The following ZNF678 variants were observed in gnomAD, a reference collection of about 807,000 sequenced individuals.
ZNF678 encodes zinc finger protein 678.
In ZNF678, 5 loss-of-function variants were observed where a neutral mutation model predicts 3.0. That is an observed-to-expected ratio of 1.69 (90% confidence interval 0.88 to 3.56). The LOEUF is 3.56. Among genes scored for constraint, ZNF678 ranks in the 30% most tolerant of loss-of-function variants. The probability of loss-of-function intolerance (pLI) is 0.00; values close to 1 mark genes in which losing one functional copy is unlikely to be tolerated. For missense variants in ZNF678, 593 were observed against 605.0 expected (o/e 0.98, Z 0.21); for synonymous variants, 218 against 199.6 (o/e 1.09, Z -0.78).
intron 2 of ZNF678, among the ~76,000 whole-genome samples, chr1:227,647,077 AC>A (rs1658978418): frequency 6.6e-6 from 1 of 150,688 alleles, no homozygotes; most frequent in Non-Finnish European, 1.5e-5. Flanking sequence ...ACATGGTGAA[AC>A]CCCATTTCTA....
downstream of ZNF678, among the ~76,000 whole-genome samples, chr1:227,679,244 C>A (rs1353620509): frequency 3.3e-5 from 5 of 152,080 alleles, no homozygotes; most frequent in African/African-American, 1.2e-4. Flanking sequence ...TTATATGTCA[C>A]CATTTTAAGG....
intron 1 of ZNF678, among the ~76,000 whole-genome samples, chr1:227,610,540 A>T (rs1200760047): frequency 6.6e-6 from 1 of 152,162 alleles, no homozygotes; most frequent in East Asian, 1.9e-4. Flanking sequence ...ATGGACTTGG[A>T]GGAGAACAAG....
chr1:227,653,647 T>A (rs1659142237), intron 3 of ZNF678, among the ~76,000 whole-genome samples: 1 of 152,086 alleles, frequency 6.6e-6, no homozygotes, highest in South Asian at 2.1e-4. Context: ...AGGCTGGAGA[T>A]TCTTATAGCC....
intron 1 of ZNF678, among the ~76,000 whole-genome samples, chr1:227,622,534 A>G (rs542874308): frequency 2.6e-4 from 39 of 152,332 alleles, no homozygotes; most frequent in African/African-American, 9.1e-4. Flanking sequence ...CAAATATTTT[A>G]TAGAGTTTGA....
In ZNF678 at chr1:227,578,026, A is replaced by G. The variant is rs185935349; in HGVS notation, c.-164+14302A>G. ...ATTTGGCCGAATATGAAATTCTGGG[A>G]TGGAATTTCTTTTCCTTAAGAATGT... On this transcript the variant is annotated intron_variant, in intron 1 of 3. Coordinates refer to ENST00000343776, the MANE Select transcript of ZNF678 (RefSeq NM_001367909.1). Among the ~76,000 whole-genome samples, 201 of 152,184 alleles carry G rather than the reference A, an allele frequency of 1.3e-3. 1 individual carries two copies. The highest frequency in any genetic ancestry group is 4.6e-3 in the African/African-American group (193 of 41,536).
chr1:227,620,131 A>C (rs1287356668), intron 1 of ZNF678, among the ~76,000 whole-genome samples: 3 of 152,206 alleles, frequency 2.0e-5, no homozygotes, highest in East Asian at 3.9e-4. Flanking sequence ...TGAGCTTCTC[A>C]TGTTTCTCTC....
intron 1 of ZNF678, among the ~76,000 whole-genome samples, chr1:227,618,311 T>C (rs1658191403): frequency 6.6e-6 from 1 of 152,134 alleles, no homozygotes; most frequent in South Asian, 2.1e-4. Context: ...CCATTGTGTT[T>C]GGGTAGTGGG....
Position 227,656,646 on chromosome 1 carries a change from T to C in ZNF678, c.*818T>C, listed in dbSNP as rs1323259175. On this transcript the variant is annotated 3_prime_UTR_variant, in exon 4 of 4. Coordinates refer to ENST00000343776, the MANE Select transcript of ZNF678 (RefSeq NM_001367909.1). ...TCTAAGTAGAAATGCTTTTTGTTGA[T>C]GTATAACAGTGTTTTAAGTAACACA... is the stretch of plus-strand genomic sequence containing the variant. 1.3e-5 allele frequency: 2 copies of C among 151,900 alleles called. No homozygotes were observed. The highest frequency in any genetic ancestry group is 4.8e-5 in the African/African-American group (2 of 41,412). The allele number at this position is 151,900 out of a possible 1,614,324, so 9.4% of individuals were successfully genotyped here. A position where few individuals can be genotyped will look rare whatever the true frequency, so the allele number is the denominator to read the frequency against.
At chr1:227,570,392 G>T (rs76110006) in intron 1 of ZNF678, among the ~76,000 whole-genome samples, 1 of 152,212 alleles carries the variant, frequency 6.6e-6, no homozygotes. Flanking sequence ...CACAGGAGTT[G>T]TGATAGGGAT....
chr1:227,603,456 A>C (rs1050640249), intron 1 of ZNF678, among the ~76,000 whole-genome samples: 5 of 152,162 alleles, frequency 3.3e-5, no homozygotes, highest in African/African-American at 1.2e-4. Flanking sequence ...TGCCACCAGC[A>C]CAGAGGAGGA....
rs1387417169 is a variant in ZNF678, at chr1:227,655,010, C to T, written c.760C>T (p.Gln254Ter). Residue 254 changes from glutamine (Q) to a stop codon, truncating the protein, a stop_gained, in exon 4 of 4, where the codon CAA becomes TAA. Transcript: ENST00000343776. LOFTEE classifies it low-confidence loss of function (END_TRUNC). ...CTTTAACAAGTTCTCAAACCTTACT[C>T]AACATAAGAGAATTCATACTGGAGA... ...KAFNKFSNLT[Q>*]HKRIHTGEKP... The T allele has an allele frequency of 2.5e-6, 4 of 1,609,494 alleles. No individual in the cohort carries two copies. In the South Asian group the frequency reaches 4.4e-5, roughly 18 times the overall value.
intron 1 of ZNF678, among the ~76,000 whole-genome samples, chr1:227,565,097 C>T (rs1375278480): frequency 9.6e-5 from 11 of 114,352 alleles, no homozygotes; most frequent in African/African-American, 3.7e-4. Flanking sequence ...GTTGGAGTCT[C>T]GCTCTGTTGC....
At chr1:227,636,396 G>T (rs1658680244) in intron 1 of ZNF678, among the ~76,000 whole-genome samples, 1 of 152,232 alleles carries the variant, frequency 6.6e-6, no homozygotes, top group Non-Finnish European at 1.5e-5. Context: ...TTTAGTGCTA[G>T]CCTGTTTTGA....
chr1:227,611,784 T>G (rs753010036), intron 1 of ZNF678, among the ~76,000 whole-genome samples: 25 of 152,198 alleles, frequency 1.6e-4, no homozygotes, highest in Non-Finnish European at 2.9e-4. Flanking sequence ...GGTTGCAGTT[T>G]ATCTAGTTCT....
intron 1 of ZNF678, among the ~76,000 whole-genome samples, chr1:227,586,754 G>C (rs1426311997): frequency 2.0e-5 from 3 of 152,192 alleles, no homozygotes; most frequent in Non-Finnish European, 4.4e-5. Flanking sequence ...AGAATATGTA[G>C]TTAATAAGCT....
intron 1 of ZNF678, among the ~76,000 whole-genome samples, chr1:227,595,085 C>T (rs962329974): frequency 2.6e-5 from 4 of 151,904 alleles, no homozygotes; most frequent in Admixed American, 6.6e-5. Flanking sequence ...TATAGGGTTA[C>T]GGAGAATACC....
chr1:227,567,894 C>T (rs571565707), intron 1 of ZNF678, among the ~76,000 whole-genome samples: 10 of 152,032 alleles, frequency 6.6e-5, no homozygotes, highest in Non-Finnish European at 1.0e-4. Context: ...AAAATACCAA[C>T]TATATCTGCA....
chr1:227,564,475 C>T (rs898960511), intron 1 of ZNF678, among the ~76,000 whole-genome samples: 1 of 152,168 alleles, frequency 6.6e-6, no homozygotes, highest in Admixed American at 6.5e-5. Context: ...ACTGCTTTTC[C>T]CCTGCATTTT....
At chr1:227,673,316 T>C (rs1659631824) in intron 5 of ZNF678, among the ~76,000 whole-genome samples, 1 of 152,216 alleles carries the variant, frequency 6.6e-6, no homozygotes, top group Non-Finnish European at 1.5e-5. Flanking sequence ...AGACTGCTGC[T>C]GTTCATATCT....
Sources: gnomAD v4.1 joint callset for allele counts (sites outside exome capture counted in the v4.1 genomes callset) on GRCh38, gnomAD v4.1.1 for gene constraint, MANE v1.5 for transcripts, NCBI Gene and HGNC (gene_info 2026-07-23, HGNC 2026-07-21) for gene names.